Variants in PCDH18 observed in about 807,000 individuals in gnomAD.
The protein encoded by PCDH18 is protocadherin-18.
In PCDH18, 38 loss-of-function variants were observed where a neutral mutation model predicts 71.5. The observed-to-expected ratio is 0.53, with a 90% CI of 0.41 to 0.70. The LOEUF is 0.70. Among genes scored for constraint, PCDH18 ranks in the 30% least tolerant of loss-of-function variants. The pLI is 0.00. For synonymous variants in PCDH18, 565 were observed against 505.4 expected (o/e 1.12, Z -1.58); for missense variants, 1,334 against 1,384.6 (o/e 0.96, Z 0.58).
chr4:137,529,770 A>G lies in PCDH18; in HGVS notation c.2319T>C (p.Ser773=). 6.2e-7 allele frequency: 1 copy of G among 1,613,878 alleles called. No homozygotes were observed. The highest frequency in any genetic ancestry group is 8.5e-7 in the Non-Finnish European group (1 of 1,179,890). The part of the protein sequence containing the change: ...PTINGTLPIR[S]HHRSSPSSSP... ...ATGAAGATGGAGACGATCTGTGATG[A>G]GATCTGATGGGCAGAGTGCCATTTA... Residue 773 remains serine (S), a synonymous_variant, in exon 1 of 4, where the codon TCT becomes TCC. Coordinates refer to ENST00000344876, the MANE Select transcript of PCDH18 (RefSeq NM_019035.5).
Position 137,520,003 on chromosome 4 carries a change from A to T in PCDH18, c.*1026T>A, listed in dbSNP as rs890515232. 1 of 152,638 alleles carries T rather than the reference A, an allele frequency of 6.6e-6. No homozygotes were observed. The highest frequency in any genetic ancestry group is 1.5e-5 in the Non-Finnish European group (1 of 68,042). 9.5% of individuals were successfully genotyped at this position (152,638 alleles called of 1,614,324 possible). ...GATCATGCACTGGAGACAAAAGCTA[A>T]AAATGAATAGTTATAACAAAGAAAG... On this transcript the variant is annotated 3_prime_UTR_variant, in exon 4 of 4. Coordinates refer to ENST00000344876, the MANE Select transcript of PCDH18 (RefSeq NM_019035.5).
Position 137,520,442 on chromosome 4 carries a change from A to G in PCDH18, c.*587T>C, listed in dbSNP as rs532248687. The G allele has an allele frequency of 6.6e-6, 1 of 152,362 alleles. No individual in the cohort carries two copies. The highest frequency in any genetic ancestry group is 2.1e-4 in the South Asian group (1 of 4,830). The allele number at this position is 152,362 out of a possible 1,614,324, so 9.4% of individuals were successfully genotyped here. A position where few individuals can be genotyped will look rare whatever the true frequency, so the allele number is the denominator to read the frequency against. Reference sequence around the variant, plus strand: ...AGTCATCTAATAAATAACCTTCAAGATATTTCTCAGTCCTGAAATAAACTT... The same window carrying G: ...AGTCATCTAATAAATAACCTTCAAGGTATTTCTCAGTCCTGAAATAAACTT... On this transcript the variant is annotated 3_prime_UTR_variant, in exon 4 of 4. Transcript: ENST00000344876.
Position 137,531,389 on chromosome 4 carries a change from T to C in PCDH18, c.700A>G (p.Ile234Val). The C allele has an allele frequency of 6.2e-7, 1 of 1,612,984 alleles. No homozygotes were observed. Among genetic ancestry groups the C allele is most frequent in the Non-Finnish European group, 8.5e-7 (1 of 1,179,518 alleles). ...PQRSGSSILK[I>V]SISDSNDNSP... Reference sequence around the variant, plus strand: ...TTGTCATTGGAGTCTGAAATGCTTATTTTTAGTATGGATGAGCCAGACCTC... The same window carrying C: ...TTGTCATTGGAGTCTGAAATGCTTACTTTTAGTATGGATGAGCCAGACCTC... The change falls in exon 1 of 4, where the codon ATA becomes GTA. Residue 234 changes from isoleucine to valine, a missense_variant. Physicochemically the swap from Ile to Val is conservative, Grantham distance 29. Transcript: ENST00000344876.
At chr4:137,527,095 C>T (rs186567450) in intron 3 of PCDH18, among the ~76,000 whole-genome samples, 4 of 152,078 alleles carry the variant, frequency 2.6e-5, no homozygotes, top group African/African-American at 7.2e-5. Flanking sequence ...TAGTTGGTAA[C>T]TACTATTGCT....
chr4:137,526,664 C>T (rs1311332091), intron 3 of PCDH18, among the ~76,000 whole-genome samples: 1 of 151,934 alleles, frequency 6.6e-6, no homozygotes, highest in Non-Finnish European at 1.5e-5. Context: ...CTCTCGAAGT[C>T]CCCCCCATAC....
At chr4:137,529,130 G>A (rs1731568667) in intron 1 of PCDH18, 2 of 365,064 alleles carry the variant, frequency 5.5e-6, no homozygotes, top group Non-Finnish European at 9.9e-6. Flanking sequence ...AAAAATACAT[G>A]GAAAATACTG....
intron 3 of PCDH18, among the ~76,000 whole-genome samples, chr4:137,526,943 TCA>T (rs1323183334): frequency 6.8e-6 from 1 of 147,546 alleles, no homozygotes; most frequent in East Asian, 2.0e-4. Context: ...TTTATAACTT[TCA>T]GTTTCCAAAT....
chr4:137,528,693 A>G (rs778351395), intron 2 of PCDH18, 39 bp downstream of exon 2: 2 of 1,607,070 alleles, frequency 1.2e-6, no homozygotes, highest in Non-Finnish European at 1.7e-6. Flanking sequence ...TTCAGCATTT[A>G]TGTTGAAACT....
rs150731932 is a variant in PCDH18 at position 137,523,754 on chromosome 4, G to C, written c.2741-2058C>G. Among the ~76,000 whole-genome samples, 202 of 152,168 alleles carry C rather than the reference G, an allele frequency of 1.3e-3. 6 individuals carry two copies. In the East Asian group the frequency reaches 0.038, roughly 28 times the overall value. On this transcript the variant is annotated intron_variant, in intron 3 of 3. Coordinates refer to ENST00000344876, the MANE Select transcript of PCDH18 (RefSeq NM_019035.5). ...AATACAATGCAAAAATACAATCTAG[G>C]TAACTAATGCAATCTGAAAGTTCAT...
Position 137,532,077 on chromosome 4 carries a change from C to T in PCDH18, c.12G>A (p.Met4Ile), listed in dbSNP as rs139266701. ...CAAACCTAAAGTGCATTTTAGCATT[C>T]ATTTGGTGCATTGGTCAGTTTATGA... The part of the protein sequence containing the change: MHQ[M>I]NAKMHFRFVF... Residue 4 changes from methionine (M) to isoleucine (I), a missense_variant, in exon 1 of 4, where the codon ATG becomes ATA. Transcript: ENST00000344876. 10 of 1,607,082 alleles carry T rather than the reference C, an allele frequency of 6.2e-6. No homozygotes were observed. Among genetic ancestry groups the T allele is most frequent in the Middle Eastern group, 1.7e-4 (1 of 6,026 alleles).
chr4:137,530,020 G>A lies in PCDH18; in HGVS notation c.2069C>T (p.Ser690Leu). The change falls in exon 1 of 4, where the codon TCA becomes TTA. Residue 690 changes from serine (S) to leucine (L), a missense_variant. By Grantham distance (145) the Ser-to-Leu change is moderately radical. This residue lies in a region of PCDH18 where 1,011 missense variants were observed against 1,048.0 expected (regional missense o/e 0.96). Coordinates refer to ENST00000344876, the MANE Select transcript of PCDH18 (RefSeq NM_019035.5). ...GACATCCAAGGATGCCTGGCTTACTGAAGTCATTGCTGTACTTGTCACCGA... is the reference window on the plus strand; with the variant it reads ...GACATCCAAGGATGCCTGGCTTACTAAAGTCATTGCTGTACTTGTCACCGA... ...AESVTSTAMT[S>L]VSQASLDVSM... is the part of the protein sequence containing the mutation. 1.2e-6 allele frequency: 2 copies of A among 1,614,084 alleles called. No individual in the cohort carries two copies. The highest frequency in any genetic ancestry group is 2.2e-5 in the East Asian group (1 of 44,874).
intron 3 of PCDH18, among the ~76,000 whole-genome samples, chr4:137,522,105 T>G (rs1398678624): frequency 1.3e-5 from 2 of 152,224 alleles, no homozygotes; most frequent in Non-Finnish European, 2.9e-5. Context: ...AATACATACC[T>G]TTGTGTAACT....
intron 1 of PCDH18, chr4:137,529,146 T>A (rs1171994227): frequency 2.9e-6 from 1 of 346,632 alleles, no homozygotes; most frequent in East Asian, 5.5e-5. Flanking sequence ...TACTGTAAAA[T>A]ACAACACTGC....
chr4:137,521,420 G>A lies in PCDH18; in HGVS notation c.3017C>T (p.Ser1006Leu), dbSNP rs1236845539. 2.4e-5 allele frequency: 38 copies of A among 1,614,048 alleles called. No homozygotes were observed. In the East Asian group the frequency reaches 6.9e-4, roughly 29 times the overall value. ...TGDTSTSSLLSEMSSVFQRLL... is the reference protein window; with the variant it reads ...TGDTSTSSLLLEMSSVFQRLL... ...ACGCTGGAACACACTGCTCATTTCCGAGAGCAGAGATGATGTGCTGGTATC... is the reference window on the plus strand; with the variant it reads ...ACGCTGGAACACACTGCTCATTTCCAAGAGCAGAGATGATGTGCTGGTATC... Residue 1006 changes from serine to leucine, a missense_variant, in exon 4 of 4, where the codon TCG becomes TTG. Transcript: ENST00000344876.
At chr4:137,529,238 C>T (rs1731571652) in intron 1 of PCDH18, 1 of 247,340 alleles carries the variant, frequency 4.0e-6, no homozygotes, top group Non-Finnish European at 7.7e-6. Flanking sequence ...GTCTGAAGGC[C>T]TCAGTTTTTT....
chr4:137,528,680 C>T (rs866951346), intron 2 of PCDH18, 39 bp from the exon 3 acceptor site: 1 of 1,608,478 alleles, frequency 6.2e-7, no homozygotes, highest in Non-Finnish European at 8.5e-7. Context: ...ACAGTTTTTA[C>T]TCTTCAGCAT....
rs759974001 is a variant in PCDH18, at chr4:137,531,643, C to A, written c.446G>T (p.Ser149Ile). 3.1e-6 allele frequency: 5 copies of A among 1,613,926 alleles called. No homozygotes were observed. Among genetic ancestry groups the A allele is most frequent in the Non-Finnish European group, 4.2e-6 (5 of 1,179,804 alleles). ...GGGAATGCGAGTCCCAACTGCTGCA[C>A]TCTCAGATATCTCAATAGGTATGAG... ...RSLIPIEISE[S>I]AAVGTRIPLD... The change falls in exon 1 of 4, where the codon AGT (serine) becomes ATT (isoleucine). Residue 149 changes from serine to isoleucine, a missense_variant. Physicochemically the swap from Ser to Ile is moderately radical, Grantham distance 142. Transcript: ENST00000344876.
rs1352195286 is a variant in PCDH18, at chr4:137,530,190, T to A, written c.1899A>T (p.Pro633=). 1.9e-6 allele frequency: 3 copies of A among 1,613,738 alleles called. No individual in the cohort carries two copies. In the South Asian group the frequency reaches 3.3e-5, roughly 18 times the overall value. Residue 633 remains proline (P), a synonymous_variant, in exon 1 of 4, where the codon CCA becomes CCT. Coordinates refer to ENST00000344876, the MANE Select transcript of PCDH18 (RefSeq NM_019035.5). The part of the protein sequence containing the change: ...GNEENIFIID[P]RSCDIHTNVS... ...CGTTGGTATGGATGTCACATGATCG[T>A]GGATCAATTATGAAGATATTCTCCT...
chr4:137,521,267 G>A lies in PCDH18; in HGVS notation c.3170C>T (p.Ala1057Val). 6.2e-7 allele frequency: 1 copy of A among 1,614,134 alleles called. No homozygotes were observed. The change falls in exon 4 of 4, where the codon GCA becomes GTA. Residue 1057 changes from alanine (A) to valine (V), a missense_variant. By Grantham distance (64) the Ala-to-Val change is moderately conservative. Coordinates refer to ENST00000344876, the MANE Select transcript of PCDH18 (RefSeq NM_019035.5). ...VGYPQGVAAWAASTHFQNPTT... is the reference protein window; with the variant it reads ...VGYPQGVAAWVASTHFQNPTT... ...GGGATTTTGAAAATGCGTACTGGCT[G>A]CCCATGCCGCTACCCCCTGTGGGTA...
Sources: gnomAD v4.1 joint callset for allele counts (sites outside exome capture counted in the v4.1 genomes callset) on GRCh38, gnomAD v4.1.1 for gene constraint, gnomAD v4.1.1 regional missense constraint, MANE v1.5 for transcripts, NCBI Gene and HGNC (gene_info 2026-07-23, HGNC 2026-07-21) for gene names.